ZNF827: variants seen among roughly 807,000 people sequenced by gnomAD.
ZNF827 encodes the protein zinc finger protein 827.
ZNF827 carries 13 observed loss-of-function variants against 102.4 expected under a neutral mutation model. The ratio of observed to expected loss-of-function variants is 0.13; its 90% CI spans 0.08 to 0.20. ZNF827 has a LOEUF of 0.20. Ranked by LOEUF, ZNF827 falls within the 10% of genes least tolerant of loss-of-function variation. The probability of loss-of-function intolerance (pLI) is 1.00; values close to 1 mark genes in which losing one functional copy is unlikely to be tolerated. For synonymous variants in ZNF827, 523 were observed against 536.2 expected (o/e 0.98, Z 0.34); for missense variants, 1,103 against 1,344.4 (o/e 0.82, Z 2.81).
At chr4:145,872,671 G>A (rs1253155038) in intron 4 of ZNF827, among the ~76,000 whole-genome samples, 1 of 152,028 alleles carries the variant, frequency 6.6e-6, no homozygotes, top group Non-Finnish European at 1.5e-5. Context: ...GAGGTCAGGA[G>A]TTTGAGACCA....
At chr4:145,925,835 G>C (rs1247448387) in intron 1 of ZNF827, among the ~76,000 whole-genome samples, 1 of 152,162 alleles carries the variant, frequency 6.6e-6, no homozygotes, top group Non-Finnish European at 1.5e-5. Flanking sequence ...CACATTACTT[G>C]AAGTCCTTAG....
In ZNF827 at chr4:145,811,499, G is replaced by C. The variant is rs913911440; in HGVS notation, c.2383+11923C>G. Among the ~76,000 whole-genome samples, 42 of 152,150 alleles carry C rather than the reference G, an allele frequency of 2.8e-4. 1 individual carries two copies. The highest frequency in any genetic ancestry group is 9.7e-4 in the African/African-American group (40 of 41,428). ...GGTCTGTCTCTGTTGTTTCTCGTAGGGGTGAGGAGGTCTACAACTAGGGAG... is the reference window on the plus strand; with the variant it reads ...GGTCTGTCTCTGTTGTTTCTCGTAGCGGTGAGGAGGTCTACAACTAGGGAG... On this transcript the variant is annotated intron_variant, in intron 8 of 14. Transcript: ENST00000508784.
intron 8 of ZNF827, among the ~76,000 whole-genome samples, chr4:145,804,544 C>G (rs1265492066): frequency 1.3e-5 from 2 of 152,148 alleles, no homozygotes; most frequent in African/African-American, 4.8e-5. Context: ...TACATTTCCT[C>G]AGATATTACG....
chr4:145,885,919 C>G lies in ZNF827; in HGVS notation c.1506G>C (p.Met502Ile). ...GGGTELVGTM[M>I]TSNTPERTSQ... ...TAGTCCTCTCTGGAGTGTTAGACGT[C>G]ATCATGGTCCCCACTAGCTCTGTCC... Residue 502 changes from methionine (M) to isoleucine (I), a missense_variant, in exon 4 of 15, where the codon ATG becomes ATC. Met to Ile is a conservative substitution (Grantham distance 10, BLOSUM62 1). Coordinates refer to ENST00000508784, the MANE Select transcript of ZNF827 (RefSeq NM_001306215.2). The G allele has an allele frequency of 1.2e-6, 2 of 1,614,224 alleles. No individual in the cohort carries two copies. Among genetic ancestry groups the G allele is most frequent in the Non-Finnish European group, 1.7e-6 (2 of 1,180,030 alleles).
chr4:145,906,092 A>C (rs1411186819), intron 1 of ZNF827, among the ~76,000 whole-genome samples: 1 of 152,228 alleles, frequency 6.6e-6, no homozygotes, highest in Non-Finnish European at 1.5e-5. Flanking sequence ...CGTTAAGTAA[A>C]GGTTACTGGC....
At chr4:145,822,475 G>A (rs538183334) in intron 8 of ZNF827, among the ~76,000 whole-genome samples, 2 of 152,330 alleles carry the variant, frequency 1.3e-5, no homozygotes, top group African/African-American at 4.8e-5. Flanking sequence ...AGGGCTCCTT[G>A]AGTATGTGGA....
At chr4:145,864,138 C>A (rs1325356346) in intron 5 of ZNF827, among the ~76,000 whole-genome samples, 1 of 151,910 alleles carries the variant, frequency 6.6e-6, no homozygotes, top group African/African-American at 2.4e-5. Flanking sequence ...TGCATTCCAG[C>A]CTGCACAACA....
chr4:145,772,786 G>A (rs557217709), intron 11 of ZNF827, among the ~76,000 whole-genome samples: 1 of 152,336 alleles, frequency 6.6e-6, no homozygotes, highest in East Asian at 1.9e-4. Flanking sequence ...TCACTCTTGG[G>A]TGACTGTACT....
At chr4:145,884,579 TC>T (rs1749947850) in intron 4 of ZNF827, among the ~76,000 whole-genome samples, 1 of 152,116 alleles carries the variant, frequency 6.6e-6, no homozygotes, top group Non-Finnish European at 1.5e-5. Context: ...AAATTTAAAA[TC>T]ATACTCTTAA....
chr4:145,903,121 C>T lies in ZNF827; in HGVS notation c.138G>A (p.Gly46=), dbSNP rs758063094. The T allele has an allele frequency of 3.7e-6, 6 of 1,614,088 alleles. No individual in the cohort carries two copies. In the African/African-American group the frequency reaches 8.0e-5, roughly 22 times the overall value. Residue 46 remains glycine, a synonymous_variant, in exon 2 of 15, where the codon GGG becomes GGA. Transcript: ENST00000508784. ...ACAACTTATAGTTCTCCTGGACTTC[C>T]CCATAGGATGCTTCTGACGGAGTCT... The part of the protein sequence containing the change: ...SSETPSEASY[G]EVQENYKLSL...
intron 2 of ZNF827, among the ~76,000 whole-genome samples, chr4:145,897,250 G>A (rs969431630): frequency 1.3e-5 from 2 of 152,118 alleles, no homozygotes; most frequent in African/African-American, 2.4e-5. Context: ...TTTAAATCAC[G>A]GAGGGTTGTA....
chr4:145,845,444 T>C (rs1464210299), intron 7 of ZNF827, among the ~76,000 whole-genome samples: 1 of 152,208 alleles, frequency 6.6e-6, no homozygotes, highest in African/African-American at 2.4e-5. Flanking sequence ...GCATTATCTT[T>C]TTTCTGCCTT....
At chr4:145,833,607 CG>C (rs1313722358) in intron 7 of ZNF827, among the ~76,000 whole-genome samples, 2 of 152,030 alleles carry the variant, frequency 1.3e-5, no homozygotes, top group Non-Finnish European at 2.9e-5. Flanking sequence ...CGCTTTTCTA[CG>C]GGGCAAGAAC....
intron 2 of ZNF827, among the ~76,000 whole-genome samples, chr4:145,897,634 G>C (rs1579508990): frequency 6.6e-6 from 1 of 152,262 alleles, no homozygotes; most frequent in East Asian, 1.9e-4. Flanking sequence ...AAAAGCCTAG[G>C]TTAGCAATGG....
chr4:145,910,141 C>A (rs1158699635), intron 1 of ZNF827, among the ~76,000 whole-genome samples: 10 of 152,018 alleles, frequency 6.6e-5, no homozygotes, highest in Non-Finnish European at 1.5e-4. Flanking sequence ...AGTCCACACA[C>A]GGGGGGAGGG....
In ZNF827 at chr4:145,879,091, C is replaced by T. The variant is rs370672319; in HGVS notation, c.1747+6587G>A. On this transcript the variant is annotated intron_variant, in intron 4 of 14. Coordinates refer to ENST00000508784, the MANE Select transcript of ZNF827 (RefSeq NM_001306215.2). ...CAAGGAAAATAAACAGTGAAGCAGA[C>T]GGAGGTCAAAAGACAGTTTGCTCAA... Among the ~76,000 whole-genome samples the T allele has an allele frequency of 4.6e-5, 7 of 151,864 alleles. No homozygotes were observed. In the South Asian group the frequency reaches 6.2e-4, roughly 14 times the overall value.
chr4:145,814,698 C>T (rs934917078), intron 8 of ZNF827, among the ~76,000 whole-genome samples: 32 of 147,800 alleles, frequency 2.2e-4, no homozygotes, highest in African/African-American at 7.8e-4. Context: ...CCGAGGCGGG[C>T]GGATCACCTG....
intron 1 of ZNF827, among the ~76,000 whole-genome samples, chr4:145,924,467 T>G (rs1753283184): frequency 6.6e-6 from 1 of 152,172 alleles, no homozygotes; most frequent in Admixed American, 6.5e-5. Context: ...CCTTGCTGAT[T>G]ATTGAGGAAC....
chr4:145,804,674 G>A (rs1479428986), intron 8 of ZNF827, among the ~76,000 whole-genome samples: 1 of 152,164 alleles, frequency 6.6e-6, no homozygotes, highest in Non-Finnish European at 1.5e-5. Flanking sequence ...AGTGGCTGTG[G>A]TCATTTTACT....
Sources: gnomAD v4.1 joint callset for allele counts (sites outside exome capture counted in the v4.1 genomes callset) on GRCh38, gnomAD v4.1.1 for gene constraint, MANE v1.5 for transcripts, NCBI Gene and HGNC (gene_info 2026-07-23, HGNC 2026-07-21) for gene names.